Variants in TNS1 observed in about 807,000 individuals in gnomAD.
TNS1 encodes the protein tensin-1.
In TNS1, 62 loss-of-function variants were observed where a neutral mutation model predicts 168.6. The ratio of observed to expected loss-of-function variants is 0.37; its 90% CI spans 0.30 to 0.45. The LOEUF (loss-of-function observed/expected upper bound fraction) is 0.45, where lower values mean the gene tolerates loss of function less well. TNS1 is among the 20% of genes least tolerant of loss of function. TNS1 has a pLI of 1.00. For missense variants in TNS1, 2,240 were observed against 2,339.4 expected (o/e 0.96, Z 0.88); for synonymous variants, 934 against 933.2 (o/e 1.00, Z -0.02).
intron 18 of TNS1, among the ~76,000 whole-genome samples, chr2:217,853,665 C>T (rs1947791949): frequency 6.6e-6 from 1 of 152,226 alleles, no homozygotes; most frequent in South Asian, 2.1e-4. Context: ...GGATGTCTCC[C>T]TGCTCTTCTC....
intron 1 of TNS1, among the ~76,000 whole-genome samples, chr2:218,025,337 C>G (rs1958841702): frequency 6.6e-6 from 1 of 152,140 alleles, no homozygotes; most frequent in South Asian, 2.1e-4. Context: ...CAACCTCTGC[C>G]TCCCAGTTTC....
At chr2:217,918,558 C>T (rs1303971720) in intron 4 of TNS1, among the ~76,000 whole-genome samples, 1 of 152,196 alleles carries the variant, frequency 6.6e-6, no homozygotes, top group East Asian at 1.9e-4. Context: ...CAACCTATTC[C>T]CTTTTGTCCT....
chr2:217,809,462 T>TA (rs1940235602), intron 30 of TNS1, among the ~76,000 whole-genome samples: 1 of 48,610 alleles, frequency 2.1e-5, no homozygotes, highest in Non-Finnish European at 3.9e-5. Flanking sequence ...GATGGATGCA[T>TA]GGATGGATGG....
chr2:218,022,643 G>A (rs1402486907), intron 1 of TNS1, among the ~76,000 whole-genome samples: 1 of 151,992 alleles, frequency 6.6e-6, no homozygotes, highest in Non-Finnish European at 1.5e-5. Flanking sequence ...TCACAGAGGG[G>A]GAGATAAATG....
intron 3 of TNS1, among the ~76,000 whole-genome samples, chr2:217,922,686 G>A (rs78313063): frequency 0.021 from 3,176 of 152,330 alleles, 109 homozygotes; most frequent in African/African-American, 0.071. Context: ...TCAGGCAGTG[G>A]ACAGGAGGGG....
In TNS1 at chr2:217,847,552, C is replaced by T; in HGVS notation, c.2965G>A (p.Glu989Lys). The T allele has an allele frequency of 6.8e-7, 1 of 1,478,626 alleles. No homozygotes were observed. Among genetic ancestry groups the T allele is most frequent in the East Asian group, 2.3e-5 (1 of 43,632 alleles). The allele number at this position is 1,478,626 out of a possible 1,614,324, so 91.6% of individuals were successfully genotyped here. A position where few individuals can be genotyped will look rare whatever the true frequency, so the allele number is the denominator to read the frequency against. ...ACCAGCCCTTCTAAATTCAATGGCT[C>T]CTCCTCTGGAGTCCGGGAGGGGTCT... ...TSDPSRTPEEEPLNLEGLVAH... is the reference protein window; with the variant it reads ...TSDPSRTPEEKPLNLEGLVAH... Residue 989 changes from glutamate to lysine, a missense_variant, in exon 19 of 33, where the codon GAG becomes AAG. Physicochemically the swap from Glu to Lys is moderately conservative, Grantham distance 56. This residue lies in a region of TNS1 where 2,131 missense variants were observed against 2,171.2 expected (regional missense o/e 0.98). Coordinates refer to ENST00000682258, the MANE Select transcript of TNS1 (RefSeq NM_001387777.1).
chr2:217,830,454 A>G (rs1450228049), intron 22 of TNS1: 58 of 1,589,294 alleles, frequency 3.6e-5, no homozygotes, highest in Non-Finnish European at 5.0e-5. Flanking sequence ...GAGTCCAGGG[A>G]GCAGCTTTCT....
At chr2:217,967,308 G>A (rs1185642971) in intron 3 of TNS1, among the ~76,000 whole-genome samples, 8 of 152,048 alleles carry the variant, frequency 5.3e-5, no homozygotes, top group African/African-American at 7.2e-5. Context: ...GTGACAGAGC[G>A]AGACTCGGTC....
intron 3 of TNS1, among the ~76,000 whole-genome samples, chr2:217,938,874 CAG>C (rs1445224502): frequency 2.0e-5 from 3 of 152,126 alleles, no homozygotes; most frequent in Non-Finnish European, 4.4e-5. Flanking sequence ...CCTCTAATTG[CAG>C]AGAGAGACAG....
intron 28 of TNS1, among the ~76,000 whole-genome samples, chr2:217,810,624 A>G (rs1940681706): frequency 6.6e-6 from 1 of 151,978 alleles, no homozygotes; most frequent in African/African-American, 2.4e-5. Flanking sequence ...TTTTTGAGCG[A>G]CTCCATGTAC....
chr2:217,962,963 A>T (rs1319130934), intron 3 of TNS1, among the ~76,000 whole-genome samples: 1 of 152,210 alleles, frequency 6.6e-6, no homozygotes, highest in Non-Finnish European at 1.5e-5. Flanking sequence ...GTGCATGGTT[A>T]TGTAAGATGT....
chr2:217,927,933 C>G (rs1956119794), intron 3 of TNS1, among the ~76,000 whole-genome samples: 1 of 152,196 alleles, frequency 6.6e-6, no homozygotes, highest in Non-Finnish European at 1.5e-5. Context: ...GCCCCAGTCT[C>G]CATGCCCATA....
chr2:217,824,107 G>A (rs1247015070), intron 22 of TNS1, among the ~76,000 whole-genome samples: 1 of 152,252 alleles, frequency 6.6e-6, no homozygotes, highest in African/African-American at 2.4e-5. Flanking sequence ...CTGTTGTGGT[G>A]TGACAGCTTA....
chr2:217,944,322 T>C (rs1197253319), intron 3 of TNS1, among the ~76,000 whole-genome samples: 1 of 152,178 alleles, frequency 6.6e-6, no homozygotes, highest in African/African-American at 2.4e-5. Flanking sequence ...GCCCAGCAGC[T>C]TCCCTGGGGA....
chr2:217,828,054 T>C lies in TNS1; in HGVS notation c.3373+3401A>G, dbSNP rs1336089910. ...ATCTGAAGCACAGAAACGTTGGCTC[T>C]GAGCTCCAGCTAATTCTAGACTCTC... On this transcript the variant is annotated intron_variant, in intron 22 of 32. Coordinates refer to ENST00000682258, the MANE Select transcript of TNS1 (RefSeq NM_001387777.1). Among the ~76,000 whole-genome samples the C allele has an allele frequency of 2.0e-5, 3 of 152,342 alleles. No homozygotes were observed. The East Asian group carries it at 5.8e-4, about 29-fold the overall frequency.
At chr2:217,892,828 C>A in intron 11 of TNS1, 120 bp downstream of exon 11, 1 of 1,175,264 alleles carries the variant, frequency 8.5e-7, no homozygotes, top group Admixed American at 2.2e-5. Context: ...GTCCTCATCG[C>A]TTCTCATTCC....
chr2:217,877,882 G>A (rs1950327513), intron 18 of TNS1, among the ~76,000 whole-genome samples: 1 of 152,126 alleles, frequency 6.6e-6, no homozygotes, highest in Non-Finnish European at 1.5e-5. Flanking sequence ...CTGACTGCCT[G>A]GCTGGGTGCT....
intron 1 of TNS1, among the ~76,000 whole-genome samples, chr2:218,016,332 C>T (rs1239322997): frequency 6.6e-6 from 1 of 152,268 alleles, no homozygotes; most frequent in African/African-American, 2.4e-5. Context: ...GAGCTAGAGA[C>T]ACCAGGAGGG....
intron 1 of TNS1, among the ~76,000 whole-genome samples, chr2:218,002,489 T>C (rs1958583514): frequency 6.7e-6 from 1 of 150,172 alleles, no homozygotes. Context: ...GTGAAGAATT[T>C]TCACCCCATT....
Sources: gnomAD v4.1 joint callset for allele counts (sites outside exome capture counted in the v4.1 genomes callset) on GRCh38, gnomAD v4.1.1 for gene constraint, gnomAD v4.1.1 regional missense constraint, MANE v1.5 for transcripts, NCBI Gene and HGNC (gene_info 2026-07-23, HGNC 2026-07-21) for gene names.